DIPK1A: variants seen among roughly 807,000 people sequenced by gnomAD.
DIPK1A encodes family with sequence similarity 69 member A.
A neutral mutation model predicts 40.8 loss-of-function variants in DIPK1A; 27 were observed. The ratio of observed to expected loss-of-function variants is 0.66; its 90% CI spans 0.49 to 0.91. DIPK1A has a LOEUF of 0.91. Ranked by LOEUF, DIPK1A falls within the 40% of genes least tolerant of loss-of-function variation. The probability of loss-of-function intolerance (pLI) is 0.00; values close to 1 mark genes in which losing one functional copy is unlikely to be tolerated. For synonymous variants in DIPK1A, 166 were observed against 171.3 expected, an observed-to-expected ratio of 0.97 and a Z score of 0.24; for missense variants, 412 against 505.7, an observed-to-expected ratio of 0.81 and a Z score of 1.78.
downstream of DIPK1A, among the ~76,000 whole-genome samples, chr1:92,838,394 G>A (rs1402403167): frequency 6.6e-6 from 1 of 152,084 alleles, no homozygotes; most frequent in Non-Finnish European, 1.5e-5. Flanking sequence ...TTTACTTTTG[G>A]ATTATGATTC....
chr1:92,943,522 TCC>T (rs1490294570), intron 1 of DIPK1A, among the ~76,000 whole-genome samples: 2 of 150,996 alleles, frequency 1.3e-5, no homozygotes, highest in Non-Finnish European at 2.9e-5. Context: ...CCCAACCACC[TCC>T]CCCACCCCAC....
At chr1:92,943,344 G>C (rs1210046634) in intron 1 of DIPK1A, among the ~76,000 whole-genome samples, 1 of 144,388 alleles carries the variant, frequency 6.9e-6, no homozygotes, top group African/African-American at 2.9e-5. Context: ...AAGCCAAACT[G>C]CTTCTTGGAA....
intron 1 of DIPK1A, among the ~76,000 whole-genome samples, chr1:92,890,766 C>T (rs1189214900): frequency 6.6e-6 from 1 of 152,070 alleles, no homozygotes; most frequent in East Asian, 1.9e-4. Context: ...GTATATTAGC[C>T]TATAGTTTTC....
exon 5 of DIPK1A, chr1:92,832,737 A>T (rs1017317954): frequency 2.3e-6 from 1 of 436,268 alleles, no homozygotes; most frequent in Non-Finnish European, 4.1e-6. Context: ...ATGAGTTTTT[A>T]ATTATTGGGG....
intron 1 of DIPK1A, among the ~76,000 whole-genome samples, chr1:92,909,100 C>T (rs888640188): frequency 2.6e-5 from 4 of 152,138 alleles, no homozygotes; most frequent in African/African-American, 9.7e-5. Context: ...GTACCCACCA[C>T]TAAATGTAAA....
chr1:92,961,050 C>A (rs1652058946), intron 1 of DIPK1A, among the ~76,000 whole-genome samples: 3 of 152,134 alleles, frequency 2.0e-5, no homozygotes, highest in Admixed American at 2.0e-4. Context: ...CGCAGGGCTG[C>A]GGGCAATGCC....
chr1:92,883,274 A>G (rs1648459995), intron 1 of DIPK1A, among the ~76,000 whole-genome samples: 1 of 152,224 alleles, frequency 6.6e-6, no homozygotes, highest in South Asian at 2.1e-4. Flanking sequence ...TGCAACCTCT[A>G]CTAGCAATCT....
At chr1:92,925,278 T>C (rs1236242169) in intron 1 of DIPK1A, among the ~76,000 whole-genome samples, 1 of 152,230 alleles carries the variant, frequency 6.6e-6, no homozygotes, top group African/African-American at 2.4e-5. Flanking sequence ...TAGATTTTAG[T>C]ATCTGAATTA....
At chr1:92,835,075 T>G in intron 4 of DIPK1A, 2 of 1,016,484 alleles carry the variant, frequency 2.0e-6, no homozygotes, top group African/African-American at 1.6e-5. Context: ...GTCAGCTCTT[T>G]CCAATAAAAT....
chr1:92,891,667 C>A (rs1406839514), intron 1 of DIPK1A, among the ~76,000 whole-genome samples: 1 of 152,112 alleles, frequency 6.6e-6, no homozygotes. Flanking sequence ...GGGTGCAGGA[C>A]AGTGGGTGCA....
intron 2 of DIPK1A, among the ~76,000 whole-genome samples, chr1:92,856,455 T>A (rs529306730): frequency 6.6e-6 from 1 of 152,216 alleles, no homozygotes; most frequent in Non-Finnish European, 1.5e-5. Flanking sequence ...TTTCCTCTTG[T>A]TGCCCAGGCT....
chr1:92,859,220 C>T (rs1203279184), intron 2 of DIPK1A, among the ~76,000 whole-genome samples: 3 of 152,046 alleles, frequency 2.0e-5, no homozygotes, highest in Non-Finnish European at 4.4e-5. Flanking sequence ...ATCAATTTTT[C>T]CTAAGGAAAA....
At chr1:92,839,307 T>C (rs376431217), downstream of DIPK1A, among the ~76,000 whole-genome samples, 8 of 152,150 alleles carry the variant, frequency 5.3e-5, no homozygotes, top group African/African-American at 1.7e-4. Flanking sequence ...TGCACTGAGC[T>C]GGGATCGCGC....
chr1:92,848,574 C>T (rs1571052634), intron 3 of DIPK1A, among the ~76,000 whole-genome samples: 1 of 152,326 alleles, frequency 6.6e-6, no homozygotes, highest in Non-Finnish European at 1.5e-5. Context: ...CCTTCCCTGA[C>T]CCCCTGTCTA....
intron 1 of DIPK1A, among the ~76,000 whole-genome samples, chr1:92,948,626 ATAT>A (rs1354672493): frequency 3.6e-5 from 3 of 84,376 alleles, no homozygotes; most frequent in African/African-American, 1.2e-4. Context: ...TATTTATTTT[ATAT>A]TTTTTTGTAT....
In DIPK1A at chr1:92,842,575, TAA is replaced by T. The variant is rs1687418333; in HGVS notation, c.*806_*807del. ...CTGTTTGAAAATGGAAAGTTATTAC[TAA>T]AAAGTCTGCTATAATTTATTTTAGT... On this transcript the variant is annotated 3_prime_UTR_variant, in exon 5 of 5. Coordinates refer to ENST00000370310, the MANE Select transcript of DIPK1A (RefSeq NM_001006605.5). 1.0e-6 allele frequency: 1 copy of T among 983,242 alleles called. No individual in the cohort carries two copies. The highest frequency in any genetic ancestry group is 6.3e-5 in the Admixed American group (1 of 15,838). 60.9% of individuals were successfully genotyped at this position (983,242 alleles called of 1,614,324 possible).
chr1:92,840,571 A>G (rs1443895141), downstream of DIPK1A: 1 of 1,613,214 alleles, frequency 6.2e-7, no homozygotes, highest in East Asian at 2.2e-5. Flanking sequence ...TGTATAAGAA[A>G]GCTCATGCTG....
At chr1:92,887,062 G>T (rs1291426243) in intron 1 of DIPK1A, among the ~76,000 whole-genome samples, 1 of 151,784 alleles carries the variant, frequency 6.6e-6, no homozygotes, top group Non-Finnish European at 1.5e-5. Flanking sequence ...TTGGTGTTGG[G>T]CTCAGCCATG....
At chr1:92,954,655 G>GT (rs1482940312) in intron 1 of DIPK1A, among the ~76,000 whole-genome samples, 1 of 152,002 alleles carries the variant, frequency 6.6e-6, no homozygotes, top group African/African-American at 2.4e-5. Flanking sequence ...GATTACAGAC[G>GT]TGAGCCTCCG....
Sources: allele counts gnomAD v4.1 joint callset (sites outside exome capture counted in the v4.1 genomes callset), GRCh38; gene constraint gnomAD v4.1.1; transcripts MANE v1.5; gene names NCBI Gene and HGNC (gene_info 2026-07-23, HGNC 2026-07-21).